MLLT10: variants seen among roughly 807,000 people sequenced by gnomAD.
The protein encoded by MLLT10 is MLLT10 histone lysine methyltransferase DOT1L cofactor, also known as protein AF-10.
In MLLT10, 30 loss-of-function variants were observed where a neutral mutation model predicts 129.1. The observed-to-expected ratio is 0.23, with a 90% CI of 0.17 to 0.32. The LOEUF is 0.32. Among genes scored for constraint, MLLT10 ranks in the 10% least tolerant of loss-of-function variants. MLLT10 has a pLI of 1.00. For synonymous variants in MLLT10, 490 were observed against 446.4 expected, an observed-to-expected ratio of 1.10 and a Z score of -1.23; for missense variants, 1,119 against 1,268.3, an observed-to-expected ratio of 0.88 and a Z score of 1.79.
intron 13 of MLLT10, among the ~76,000 whole-genome samples, chr10:21,689,618 T>TACAC (rs58778532): frequency 5.3e-4 from 59 of 112,058 alleles, no homozygotes; most frequent in South Asian, 1.3e-3. Flanking sequence ...TATATATATA[T>TACAC]ACACACACAC....
In MLLT10 at chr10:21,741,986, C is replaced by A. The variant is rs774015443; in HGVS notation, c.*3C>A. 1.9e-6 allele frequency: 3 copies of A among 1,611,988 alleles called. No homozygotes were observed. The highest frequency in any genetic ancestry group is 2.5e-6 in the Non-Finnish European group (3 of 1,179,588). ...CTGTAGCTCAAGAGAAAAGTTGACACCTGAGAAACATCTAGAAATTGCCTA... is the reference window on the plus strand; with the variant it reads ...CTGTAGCTCAAGAGAAAAGTTGACAACTGAGAAACATCTAGAAATTGCCTA... On this transcript the variant is annotated 3_prime_UTR_variant, in exon 23 of 23. Coordinates refer to ENST00000307729, the MANE Select transcript of MLLT10 (RefSeq NM_001195626.3).
chr10:21,602,665 T>C (rs1008059993), intron 5 of MLLT10, among the ~76,000 whole-genome samples: 2 of 152,218 alleles, frequency 1.3e-5, no homozygotes, highest in African/African-American at 2.4e-5. Context: ...ACTGTTGTTG[T>C]GCCATGTAAT....
At chr10:21,593,056 C>A (rs2042665430) in intron 4 of MLLT10, among the ~76,000 whole-genome samples, 1 of 150,268 alleles carries the variant, frequency 6.7e-6, no homozygotes, top group Admixed American at 6.6e-5. Context: ...CCTACTAATT[C>A]TCTTTTCATC....
intron 13 of MLLT10, among the ~76,000 whole-genome samples, chr10:21,691,198 G>A (rs1027624371): frequency 2.0e-5 from 3 of 151,904 alleles, no homozygotes; most frequent in African/African-American, 7.2e-5. Context: ...TCACTACTTT[G>A]CAGCTTCCTT....
chr10:21,670,901 T>A, intron 10 of MLLT10, 197 bp downstream of exon 10: 1 of 533,734 alleles, frequency 1.9e-6, no homozygotes. Flanking sequence ...TTTCTTTCCT[T>A]TTATAATATG....
chr10:21,582,723 T>C (rs1396481263), intron 3 of MLLT10, among the ~76,000 whole-genome samples: 3 of 152,126 alleles, frequency 2.0e-5, no homozygotes, highest in Non-Finnish European at 2.9e-5. Flanking sequence ...AATACAGTTA[T>C]GGATTAAAAG....
At chr10:21,617,474 C>T (rs541663197) in intron 8 of MLLT10, among the ~76,000 whole-genome samples, 4 of 152,130 alleles carry the variant, frequency 2.6e-5, no homozygotes, top group East Asian at 1.9e-4. Flanking sequence ...GGTCATCTTG[C>T]GAAATCTTTA....
At chr10:21,678,450 A>G (rs7069907) in intron 11 of MLLT10, among the ~76,000 whole-genome samples, 327 of 152,282 alleles carry the variant, frequency 2.1e-3, no homozygotes, top group African/African-American at 7.4e-3. Context: ...TTTATGATGA[A>G]AAGTATTATT....
intron 11 of MLLT10, among the ~76,000 whole-genome samples, chr10:21,674,513 A>C (rs1015094509): frequency 1.3e-5 from 2 of 152,168 alleles, no homozygotes; most frequent in Non-Finnish European, 2.9e-5. Flanking sequence ...TGATTTTACC[A>C]TTCTTTTTAT....
chr10:21,699,918 T>C (rs1229891227), intron 13 of MLLT10, among the ~76,000 whole-genome samples: 2 of 152,160 alleles, frequency 1.3e-5, no homozygotes, highest in African/African-American at 4.8e-5. Flanking sequence ...TGAAAAATGA[T>C]GTTATTTTGA....
intron 8 of MLLT10, chr10:21,625,418 T>C: frequency 1.2e-6 from 1 of 849,502 alleles, no homozygotes; most frequent in Non-Finnish European, 2.0e-6. Context: ...TGTGCCCAAG[T>C]TTCTCACAAA....
At chr10:21,559,202 GCC>G (rs2038471004) in intron 3 of MLLT10, among the ~76,000 whole-genome samples, 1 of 152,196 alleles carries the variant, frequency 6.6e-6, no homozygotes, top group African/African-American at 2.4e-5. Context: ...TCCTGCCTCA[GCC>G]TCCCAGGAAG....
At chr10:21,607,353 T>C (rs2044163929) in intron 5 of MLLT10, among the ~76,000 whole-genome samples, 1 of 147,748 alleles carries the variant, frequency 6.8e-6, no homozygotes, top group African/African-American at 2.5e-5. Flanking sequence ...GGAGTTTTGC[T>C]CTTGTTGCCC....
chr10:21,608,016 T>C (rs943536222), intron 5 of MLLT10, among the ~76,000 whole-genome samples: 7 of 151,940 alleles, frequency 4.6e-5, no homozygotes, highest in South Asian at 4.1e-4. Context: ...TGTTTTTTTT[T>C]TTCTTCTTTT....
chr10:21,613,728 C>A (rs1007291460), intron 6 of MLLT10, among the ~76,000 whole-genome samples: 2 of 150,680 alleles, frequency 1.3e-5, no homozygotes, highest in African/African-American at 5.0e-5. Flanking sequence ...GGTGGTAAAA[C>A]CCCATCTCTA....
rs1180656495 is a variant in MLLT10, at chr10:21,534,684, G to T, written c.40G>T (p.Val14Phe). 1 of 1,612,568 alleles carries T rather than the reference G, an allele frequency of 6.2e-7. No homozygotes were observed. The highest frequency in any genetic ancestry group is 1.3e-5 in the African/African-American group (1 of 74,988). ...SDRPVSLEDE[V>F]SHSMKEMIGG... ...CCGGCCCGTGTCACTGGAGGACGAG[G>T]TCTCCCATAGTATGAAGGAGATGAT... Residue 14 changes from valine (V) to phenylalanine (F), a missense_variant, in exon 2 of 23, where the codon GTC becomes TTC. By Grantham distance (50) the Val-to-Phe change is conservative. Transcript: ENST00000307729.
rs558209609 is a variant in MLLT10, at chr10:21,534,311, C to G, written c.-210C>G. The G allele has an allele frequency of 7.3e-5, 28 of 383,816 alleles. 1 individual carries two copies. The highest frequency in any genetic ancestry group is 3.5e-4 in the African/African-American group (17 of 47,958). 23.8% of individuals were successfully genotyped at this position (383,816 alleles called of 1,614,324 possible). A position where few individuals can be genotyped will look rare whatever the true frequency, so the allele number is the denominator to read the frequency against. On this transcript the variant is annotated 5_prime_UTR_variant, in exon 1 of 23. Coordinates refer to ENST00000307729, the MANE Select transcript of MLLT10 (RefSeq NM_001195626.3). Reference sequence around the variant, plus strand: ...CTGCCCCTGGCCCAGCGGGAGCCCCCCCTCCCCCCAGTGCGCCTGTGCGGA... The same window carrying G: ...CTGCCCCTGGCCCAGCGGGAGCCCCGCCTCCCCCCAGTGCGCCTGTGCGGA...
intron 9 of MLLT10, among the ~76,000 whole-genome samples, chr10:21,658,668 GCTTTTTT>G (rs2049856588): frequency 6.6e-6 from 1 of 152,102 alleles, no homozygotes; most frequent in Admixed American, 6.5e-5. Flanking sequence ...GTAGGTATAT[GCTTTTTT>G]TGTATGTGTG....
intron 8 of MLLT10, among the ~76,000 whole-genome samples, chr10:21,638,929 G>A (rs1379075058): frequency 6.6e-6 from 1 of 152,146 alleles, no homozygotes; most frequent in Non-Finnish European, 1.5e-5. Flanking sequence ...AGTTTCTGGT[G>A]CTTAGCCTAC....
Sources: allele counts gnomAD v4.1 joint callset (sites outside exome capture counted in the v4.1 genomes callset), GRCh38; gene constraint gnomAD v4.1.1; transcripts MANE v1.5; gene names NCBI Gene and HGNC (gene_info 2026-07-23, HGNC 2026-07-21).